Variants in AGTRAP observed in about 807,000 individuals in gnomAD.
AGTRAP encodes the protein angiotensin II receptor associated protein, also known as type-1 angiotensin II receptor-associated protein.
A neutral mutation model predicts 15.2 loss-of-function variants in AGTRAP; 7 were observed. That is an observed-to-expected ratio of 0.46 (90% CI 0.26 to 0.87). The LOEUF (loss-of-function observed/expected upper bound fraction) is 0.87, where lower values mean the gene tolerates loss of function less well. AGTRAP is among the 40% of genes least tolerant of loss of function. The probability of loss-of-function intolerance (pLI) is 0.15; values close to 1 mark genes in which losing one functional copy is unlikely to be tolerated. For missense variants in AGTRAP, 187 were observed against 213.4 expected (o/e 0.88, Z 0.77); for synonymous variants, 74 against 89.6 (o/e 0.83, Z 0.98).
intron 1 of AGTRAP, among the ~76,000 whole-genome samples, chr1:11,738,677 C>T (rs1470979519): frequency 2.6e-5 from 4 of 152,188 alleles, no homozygotes; most frequent in Non-Finnish European, 5.9e-5. Flanking sequence ...TCTGAGAGGT[C>T]AGGTGACTTG....
intron 2 of AGTRAP, chr1:11,746,558 TC>T (rs1490867542): frequency 1.3e-5 from 3 of 236,882 alleles, no homozygotes; most frequent in South Asian, 1.2e-4. Flanking sequence ...CCCTGAGTCT[TC>T]CTTGCAGCAC....
At chr1:11,742,830 C>T (rs1364175247) in intron 1 of AGTRAP, among the ~76,000 whole-genome samples, 1 of 152,170 alleles carries the variant, frequency 6.6e-6, no homozygotes, top group African/African-American at 2.4e-5. Context: ...AGACCTGGCC[C>T]ACAGTTCTTT....
chr1:11,749,894 G>C (rs950628554), intron 4 of AGTRAP, among the ~76,000 whole-genome samples, 183 bp from the exon 5 acceptor site: 1 of 152,186 alleles, frequency 6.6e-6, no homozygotes, highest in African/African-American at 2.4e-5. Context: ...CAGGGATACG[G>C]CAGGATTGAA....
chr1:11,738,316 C>G (rs1321879425), intron 1 of AGTRAP, among the ~76,000 whole-genome samples: 5 of 152,182 alleles, frequency 3.3e-5, no homozygotes, highest in Non-Finnish European at 7.4e-5. Flanking sequence ...ACAACTGCCC[C>G]AGGCCCTTTG....
rs768299179 is a variant in AGTRAP at position 11,748,536 on chromosome 1, T to C, written c.290T>C (p.Leu97Pro). Reference sequence around the variant, plus strand: ...GTGGGCATGGCCATCCTCAGCTTGCTGCTCAAGCCGCTCTCCTGCTGCTTC... The same window carrying C: ...GTGGGCATGGCCATCCTCAGCTTGCCGCTCAAGCCGCTCTCCTGCTGCTTC... ...FGVGMAILSL[L>P]LKPLSCCFVY... Residue 97 changes from leucine to proline, a missense_variant, in exon 4 of 5, where the codon CTG (leucine) becomes CCG (proline). Coordinates refer to ENST00000314340, the MANE Select transcript of AGTRAP (RefSeq NM_020350.5). 6.2e-7 allele frequency: 1 copy of C among 1,611,722 alleles called. No homozygotes were observed. The highest frequency in any genetic ancestry group is 1.7e-5 in the Admixed American group (1 of 60,018).
intron 1 of AGTRAP, among the ~76,000 whole-genome samples, chr1:11,738,263 G>C (rs554711833): frequency 6.6e-6 from 1 of 152,224 alleles, no homozygotes; most frequent in South Asian, 2.1e-4. Flanking sequence ...GCCTGCTTCT[G>C]CCCAGCTCAG....
chr1:11,739,958 A>G (rs1382362230), intron 1 of AGTRAP, among the ~76,000 whole-genome samples: 1 of 152,208 alleles, frequency 6.6e-6, no homozygotes, highest in Non-Finnish European at 1.5e-5. Context: ...TTCCTGTTCC[A>G]GCATAGCATC....
At position 11,748,479 on chromosome 1, in the gene AGTRAP, G is replaced by A. The variant is rs766982120; in HGVS notation, c.233G>A (p.Arg78Gln). The A allele has an allele frequency of 1.2e-5, 19 of 1,613,642 alleles. No homozygotes were observed. The highest frequency in any genetic ancestry group is 1.5e-5 in the Non-Finnish European group (18 of 1,180,030). The change falls in exon 4 of 5, where the codon CGG becomes CAG. Residue 78 changes from arginine (R) to glutamine (Q), a missense_variant. Arg to Gln is a conservative substitution (Grantham distance 43). Coordinates refer to ENST00000314340, the MANE Select transcript of AGTRAP (RefSeq NM_020350.5). The stretch of plus-strand genomic sequence containing the variant: ...GTGCACATCAGCATCTTCTACCCGC[G>A]GGTCAGCCTCACGGACACGGGCCGC... ...DIVHISIFYP[R>Q]VSLTDTGRFG...
intron 1 of AGTRAP, among the ~76,000 whole-genome samples, chr1:11,744,894 G>A (rs1335903305): frequency 2.0e-5 from 3 of 151,988 alleles, no homozygotes; most frequent in Non-Finnish European, 2.9e-5. Context: ...TTCTCTCGTC[G>A]CCCAGGCTGG....
Position 11,750,206 on chromosome 1 carries a change from G to T in AGTRAP, c.*14G>T. The T allele has an allele frequency of 6.2e-7, 1 of 1,605,962 alleles. No homozygotes were observed. On this transcript the variant is annotated 3_prime_UTR_variant, in exon 5 of 5. Coordinates refer to ENST00000314340, the MANE Select transcript of AGTRAP (RefSeq NM_020350.5). ...CGAGGGTACTGAAGCCAGCCACGCTGCGCCCGGCCCTGCCCCGGGCCTTCC... is the reference window on the plus strand; with the variant it reads ...CGAGGGTACTGAAGCCAGCCACGCTTCGCCCGGCCCTGCCCCGGGCCTTCC...
Position 11,750,515 on chromosome 1 carries a change from CT to C in AGTRAP, c.*326del. ...CTGCCTGAGTGTTGCAAGCTCAGGC[CT>C]TTAAGGACTGCTGATGCCCCCTCAG... On this transcript the variant is annotated 3_prime_UTR_variant, in exon 5 of 5. Coordinates refer to ENST00000314340, the MANE Select transcript of AGTRAP (RefSeq NM_020350.5). The C allele has an allele frequency of 1.7e-6, 1 of 575,024 alleles. No homozygotes were observed. The highest frequency in any genetic ancestry group is 2.2e-5 in the South Asian group (1 of 45,066). The allele number at this position is 575,024 out of a possible 1,614,324, so 35.6% of individuals were successfully genotyped here.
chr1:11,736,666 C>T (rs1641906264), intron 1 of AGTRAP, among the ~76,000 whole-genome samples: 1 of 152,222 alleles, frequency 6.6e-6, no homozygotes, highest in Non-Finnish European at 1.5e-5. Context: ...CAGGAGCCTC[C>T]TTGTTTGCTA....
At chr1:11,740,549 G>A (rs1050916736) in intron 1 of AGTRAP, among the ~76,000 whole-genome samples, 1 of 151,942 alleles carries the variant, frequency 6.6e-6, no homozygotes, top group African/African-American at 2.4e-5. Context: ...GCAGAGGTGT[G>A]GGCCCAGCTG....
chr1:11,737,198 T>C (rs1641921799), intron 1 of AGTRAP, among the ~76,000 whole-genome samples: 1 of 152,248 alleles, frequency 6.6e-6, no homozygotes. Context: ...GCTATAGGCA[T>C]GTTTCCCTTC....
chr1:11,743,401 A>G (rs1307449068), intron 1 of AGTRAP, among the ~76,000 whole-genome samples: 1 of 151,296 alleles, frequency 6.6e-6, no homozygotes, highest in Non-Finnish European at 1.5e-5. Context: ...GCCCACCACC[A>G]TGCCCAGCTA....
At chr1:11,736,615 G>A (rs1401144671) in intron 1 of AGTRAP, among the ~76,000 whole-genome samples, 1 of 152,236 alleles carries the variant, frequency 6.6e-6, no homozygotes, top group East Asian at 1.9e-4. Flanking sequence ...CCCCGCGCGG[G>A]GTCAGGGACT....
intron 1 of AGTRAP, among the ~76,000 whole-genome samples, chr1:11,740,242 G>A (rs530676478): frequency 6.6e-6 from 1 of 152,296 alleles, no homozygotes; most frequent in Non-Finnish European, 1.5e-5. Flanking sequence ...ACAGTTACTG[G>A]CCCCTCTTTC....
rs1030665381 is a variant in AGTRAP, at chr1:11,749,893, G to A, written c.365-184G>A. 9.9e-5 allele frequency among the ~76,000 whole-genome samples: 15 copies of A among 152,166 alleles called. No homozygotes were observed. In the East Asian group the frequency reaches 1.3e-3, roughly 14 times the overall value. On this transcript the variant is annotated intron_variant, in intron 4 of 4. Coordinates refer to ENST00000314340, the MANE Select transcript of AGTRAP (RefSeq NM_020350.5). The stretch of plus-strand genomic sequence containing the variant: ...AAAAATACCCGTCGCACAGGGATAC[G>A]GCAGGATTGAATGAATAATACACGC...
chr1:11,742,257 A>G (rs891463662), intron 1 of AGTRAP, among the ~76,000 whole-genome samples: 2 of 152,252 alleles, frequency 1.3e-5, no homozygotes, highest in Non-Finnish European at 2.9e-5. Flanking sequence ...TGAAATGGGA[A>G]TAATAGTACC....
Sources: gnomAD v4.1 joint callset for allele counts (sites outside exome capture counted in the v4.1 genomes callset) on GRCh38, gnomAD v4.1.1 for gene constraint, MANE v1.5 for transcripts, NCBI Gene and HGNC (gene_info 2026-07-23, HGNC 2026-07-21) for gene names.